The following MACROD2 variants were observed in gnomAD, a reference collection of about 807,000 sequenced individuals.
MACROD2 encodes the protein mono-ADP ribosylhydrolase 2.
MACROD2 carries 36 observed loss-of-function variants against 70.4 expected under a neutral mutation model. The observed-to-expected ratio is 0.51, with a 90% confidence interval of 0.39 to 0.68. The LOEUF is 0.68. Among genes scored for constraint, MACROD2 ranks in the 30% least tolerant of loss-of-function variants. The pLI, the probability that MACROD2 is intolerant of heterozygous loss-of-function variation, is 0.00. For synonymous variants in MACROD2, 172 were observed against 178.8 expected (o/e 0.96, Z 0.30); for missense variants, 496 against 538.4 (o/e 0.92, Z 0.78).
At chr20:14,610,022 T>A (rs1182845846) in intron 4 of MACROD2, among the ~76,000 whole-genome samples, 1 of 152,170 alleles carries the variant, frequency 6.6e-6, no homozygotes, top group Non-Finnish European at 1.5e-5. Context: ...ACACTTTCTG[T>A]CTTTAAATTT....
intron 5 of MACROD2, among the ~76,000 whole-genome samples, chr20:15,120,466 C>A (rs534520738): frequency 6.6e-6 from 1 of 152,062 alleles, no homozygotes; most frequent in East Asian, 1.9e-4. Flanking sequence ...ATTTTATATG[C>A]GTTTTATTTA....
At chr20:14,334,433 C>CG (rs2082899634) in intron 3 of MACROD2, among the ~76,000 whole-genome samples, 1 of 152,166 alleles carries the variant, frequency 6.6e-6, no homozygotes, top group Non-Finnish European at 1.5e-5. Flanking sequence ...AGCTGAGAAA[C>CG]ATCCCTTTTT....
intron 8 of MACROD2, among the ~76,000 whole-genome samples, chr20:15,648,058 C>T (rs1286678631): frequency 2.6e-5 from 4 of 151,966 alleles, no homozygotes; most frequent in African/African-American, 7.3e-5. Flanking sequence ...GCTTTCTTGG[C>T]GTATGCATGT....
At chr20:14,394,676 C>T (rs1244897833) in intron 3 of MACROD2, among the ~76,000 whole-genome samples, 1 of 152,152 alleles carries the variant, frequency 6.6e-6, no homozygotes, top group African/African-American at 2.4e-5. Flanking sequence ...TTCCTAATCT[C>T]AGGGGTAAAG....
chr20:15,051,396 G>C (rs1004680187), intron 5 of MACROD2, among the ~76,000 whole-genome samples: 1 of 112,362 alleles, frequency 8.9e-6, no homozygotes, highest in African/African-American at 3.3e-5. Flanking sequence ...GTGTGTGTGT[G>C]TGTCATAGCA....
At chr20:15,084,363 C>A (rs528601055) in intron 5 of MACROD2, among the ~76,000 whole-genome samples, 1 of 152,032 alleles carries the variant, frequency 6.6e-6, no homozygotes, top group East Asian at 1.9e-4. Context: ...CCACCACACC[C>A]GGCCAACTAG....
chr20:14,761,621 GA>G (rs1201131144), intron 5 of MACROD2, among the ~76,000 whole-genome samples: 1 of 152,088 alleles, frequency 6.6e-6, no homozygotes, highest in Non-Finnish European at 1.5e-5. Flanking sequence ...TAATAGCACT[GA>G]ATCCTGACAC....
chr20:14,162,940 T>A (rs1278841711), intron 3 of MACROD2, among the ~76,000 whole-genome samples: 1 of 152,176 alleles, frequency 6.6e-6, no homozygotes, highest in East Asian at 1.9e-4. Context: ...GTTATTTATA[T>A]TCTTTGTTTC....
chr20:15,695,547 A>T (rs1243761607), intron 8 of MACROD2, among the ~76,000 whole-genome samples: 2 of 151,830 alleles, frequency 1.3e-5, no homozygotes, highest in African/African-American at 4.8e-5. Context: ...AGTAGCTGGG[A>T]CTACAGGCAT....
chr20:15,458,805 G>A (rs2046768833), intron 7 of MACROD2, among the ~76,000 whole-genome samples: 1 of 152,038 alleles, frequency 6.6e-6, no homozygotes, highest in Non-Finnish European at 1.5e-5. Flanking sequence ...ATTTGGGCCA[G>A]GATGCCTGGA....
At chr20:15,409,303 A>G (rs1014475610) in intron 6 of MACROD2, among the ~76,000 whole-genome samples, 4 of 152,278 alleles carry the variant, frequency 2.6e-5, no homozygotes, top group Non-Finnish European at 2.9e-5. Flanking sequence ...TATTTTCTGT[A>G]TATTAAGTTG....
intron 4 of MACROD2, among the ~76,000 whole-genome samples, chr20:14,521,623 T>C (rs959993085): frequency 3.3e-5 from 5 of 152,196 alleles, no homozygotes; most frequent in African/African-American, 9.7e-5. Context: ...TGTGTATGCA[T>C]TGATGTGATG....
intron 10 of MACROD2, among the ~76,000 whole-genome samples, chr20:15,932,578 A>G (rs572824766): frequency 6.6e-6 from 1 of 152,334 alleles, no homozygotes; most frequent in Admixed American, 6.5e-5. Flanking sequence ...ACCAAAAGCA[A>G]TTTGGAGACC....
intron 3 of MACROD2, among the ~76,000 whole-genome samples, chr20:14,482,533 A>T (rs2084674781): frequency 6.6e-6 from 1 of 151,218 alleles, no homozygotes; most frequent in Non-Finnish European, 1.5e-5. Context: ...TGATCCAAGC[A>T]TTGCATTAGG....
chr20:14,306,619 A>G (rs1001214969), intron 3 of MACROD2, among the ~76,000 whole-genome samples: 3 of 152,162 alleles, frequency 2.0e-5, no homozygotes, highest in African/African-American at 7.2e-5. Context: ...GGGGTCTTCA[A>G]GCCAGCACCT....
Position 14,092,512 on chromosome 20 carries a change from T to A in MACROD2, c.271+6784T>A, listed in dbSNP as rs539741371. Among the ~76,000 whole-genome samples, 3 of 152,360 alleles carry A rather than the reference T, an allele frequency of 2.0e-5. No individual in the cohort carries two copies. The South Asian group carries it at 6.2e-4, about 32-fold the overall frequency. ...TATAATGGCATGTTTTGTAGATATT[T>A]AGGTAAACATTAATTTTGATTTTGT... On this transcript the variant is annotated intron_variant, in intron 3 of 17. Coordinates refer to ENST00000684519, the MANE Select transcript of MACROD2 (RefSeq NM_001351661.2).
intron 3 of MACROD2, among the ~76,000 whole-genome samples, chr20:14,151,860 C>T (rs1298931342): frequency 5.2e-5 from 6 of 114,708 alleles, no homozygotes; most frequent in African/African-American, 1.4e-4. Context: ...CTTGCTCTGT[C>T]GCCCAGGCTG....
At chr20:15,862,900 G>A (rs1476145324) in intron 9 of MACROD2, 74 bp downstream of exon 9, 2 of 1,121,860 alleles carry the variant, frequency 1.8e-6, no homozygotes, top group Non-Finnish European at 2.6e-6. Flanking sequence ...TATTCCTATT[G>A]TTTTTCATCT....
chr20:15,002,944 C>T (rs895961661), intron 5 of MACROD2, among the ~76,000 whole-genome samples: 5 of 152,168 alleles, frequency 3.3e-5, no homozygotes, highest in Non-Finnish European at 5.9e-5. Flanking sequence ...AACAAACACA[C>T]ATTTTACAGC....
Sources: allele counts gnomAD v4.1 joint callset (sites outside exome capture counted in the v4.1 genomes callset), GRCh38; gene constraint gnomAD v4.1.1; transcripts MANE v1.5; gene names NCBI Gene and HGNC (gene_info 2026-07-23, HGNC 2026-07-21).